ARIH1: variants seen among roughly 807,000 people sequenced by gnomAD.
The protein encoded by ARIH1 is ariadne RBR E3 ubiquitin protein ligase 1.
A neutral mutation model predicts 85.0 loss-of-function variants in ARIH1; 8 were observed. The observed-to-expected ratio is 0.09, with a 90% CI of 0.06 to 0.17. ARIH1 has a LOEUF of 0.17. Among genes scored for constraint, ARIH1 ranks in the 10% least tolerant of loss-of-function variants. ARIH1 has a pLI of 1.00. For missense variants in ARIH1, 311 were observed against 718.1 expected (o/e 0.43, Z 6.48); for synonymous variants, 238 against 253.6 (o/e 0.94, Z 0.59).
At chr15:72,520,865 A>G (rs2063996587) in intron 2 of ARIH1, among the ~76,000 whole-genome samples, 1 of 151,828 alleles carries the variant, frequency 6.6e-6, no homozygotes, top group South Asian at 2.1e-4. Flanking sequence ...TCTTTTTGAA[A>G]CAGGGTCTCA....
At chr15:72,545,185 C>T (rs1432786297) in intron 3 of ARIH1, among the ~76,000 whole-genome samples, 1 of 152,100 alleles carries the variant, frequency 6.6e-6, no homozygotes, top group Non-Finnish European at 1.5e-5. Flanking sequence ...ACAACTTGTC[C>T]AAGTTGTCAT....
At chr15:72,550,044 G>A (rs910228034) in intron 3 of ARIH1, among the ~76,000 whole-genome samples, 1 of 152,142 alleles carries the variant, frequency 6.6e-6, no homozygotes, top group Admixed American at 6.6e-5. Context: ...TATGTTCCTC[G>A]AAAGCACAAT....
rs1192730988 is a variant in ARIH1 at position 72,593,479 on chromosome 15, G to T, written c.*10187G>T. ...GGTTTGGGATTTTATGTTTAGGTCT[G>T]TGATCCATCTCAAATTAATTTTTGT... On this transcript the variant is annotated 3_prime_UTR_variant, in exon 14 of 14. Transcript: ENST00000379887. 1.3e-5 allele frequency: 2 copies of T among 152,176 alleles called. No homozygotes were observed. The highest frequency in any genetic ancestry group is 1.3e-4 in the Admixed American group (2 of 15,284). 9.4% of individuals were successfully genotyped at this position (152,176 alleles called of 1,614,324 possible). A position where few individuals can be genotyped will look rare whatever the true frequency, so the allele number is the denominator to read the frequency against.
Position 72,592,240 on chromosome 15 carries a change from C to G in ARIH1, c.*8948C>G, listed in dbSNP as rs1478017491. 1 of 152,200 alleles carries G rather than the reference C, an allele frequency of 6.6e-6. No homozygotes were observed. Among genetic ancestry groups the G allele is most frequent in the Non-Finnish European group, 1.5e-5 (1 of 68,032 alleles). The allele number at this position is 152,200 out of a possible 1,614,324, so 9.4% of individuals were successfully genotyped here. A position where few individuals can be genotyped will look rare whatever the true frequency, so the allele number is the denominator to read the frequency against. On this transcript the variant is annotated 3_prime_UTR_variant, in exon 14 of 14. Coordinates refer to ENST00000379887, the MANE Select transcript of ARIH1 (RefSeq NM_005744.5). ...TTTCCACAAAATTGCTTTACAGATT[C>G]TAAATGCTATCTCTGGGACACTGGA...
chr15:72,495,172 A>G (rs1460808612), intron 1 of ARIH1, among the ~76,000 whole-genome samples: 1 of 152,232 alleles, frequency 6.6e-6, no homozygotes, highest in African/African-American at 2.4e-5. Context: ...TGAATTGGCA[A>G]ATCTATAGAG....
At chr15:72,542,669 G>C (rs944486046) in intron 2 of ARIH1, among the ~76,000 whole-genome samples, 1 of 152,130 alleles carries the variant, frequency 6.6e-6, no homozygotes, top group Non-Finnish European at 1.5e-5. Context: ...TATAAATCTG[G>C]ACTAGGGTGT....
chr15:72,561,376 CAT>C, intron 5 of ARIH1, 105 bp from the exon 6 acceptor site: 1 of 736,868 alleles, frequency 1.4e-6, no homozygotes, highest in East Asian at 2.7e-5. Context: ...CAGCTTAGGG[CAT>C]AAACATGTAG....
At chr15:72,477,333 A>T (rs911931039) in intron 1 of ARIH1, among the ~76,000 whole-genome samples, 2 of 152,192 alleles carry the variant, frequency 1.3e-5, no homozygotes, top group African/African-American at 4.8e-5. Flanking sequence ...TGGAAATAGC[A>T]GTTATCTAGG....
intron 1 of ARIH1, among the ~76,000 whole-genome samples, chr15:72,513,051 C>T (rs561871005): frequency 3.9e-5 from 6 of 152,148 alleles, no homozygotes; most frequent in Admixed American, 2.0e-4. Flanking sequence ...TCAATCATTA[C>T]ATTGAAAACT....
At chr15:72,568,113 C>T (rs2064228796) in intron 9 of ARIH1, among the ~76,000 whole-genome samples, 1 of 152,090 alleles carries the variant, frequency 6.6e-6, no homozygotes, top group African/African-American at 2.4e-5. Flanking sequence ...AACAAATGCC[C>T]AAGTCTTTAA....
At chr15:72,561,452 C>T (rs1227441193) in intron 5 of ARIH1, 31 bp from the exon 6 acceptor site, 6 of 1,484,582 alleles carry the variant, frequency 4.0e-6, no homozygotes, top group Admixed American at 3.6e-5. Flanking sequence ...TGACTGGAAA[C>T]TTTCTAATCT....
At position 72,582,060 on chromosome 15, in the gene ARIH1, T is replaced by G. The variant is rs2064297290; in HGVS notation, c.1477-15T>G. ...TTTATTTTGAAGCCAAAATTTACTT[T>G]CATTCTTCTTACAGAATAACCAAGC... On this transcript the variant is annotated splice_polypyrimidine_tract_variant and intron_variant, in intron 12 of 13. Transcript: ENST00000379887. The surrounding 1 kb of genome is among the most constrained non-coding windows in gnomAD (Gnocchi z 4.6). The G allele has an allele frequency of 6.4e-7, 1 of 1,573,230 alleles. No homozygotes were observed. Among genetic ancestry groups the G allele is most frequent in the African/African-American group, 1.4e-5 (1 of 73,300 alleles).
chr15:72,498,245 T>G (rs1182063378), intron 1 of ARIH1, among the ~76,000 whole-genome samples: 2 of 20,620 alleles, frequency 9.7e-5, no homozygotes, highest in East Asian at 0.036. Flanking sequence ...ACCAAAATGT[T>G]TTTTTTTTAA....
intron 1 of ARIH1, among the ~76,000 whole-genome samples, chr15:72,485,988 T>G (rs1318447373): frequency 6.6e-6 from 1 of 152,192 alleles, no homozygotes; most frequent in Non-Finnish European, 1.5e-5. Flanking sequence ...CCTTGCATTA[T>G]TTTCAGTGTT....
intron 3 of ARIH1, among the ~76,000 whole-genome samples, chr15:72,552,656 T>A (rs181341146): frequency 3.3e-5 from 5 of 152,184 alleles, no homozygotes; most frequent in African/African-American, 1.2e-4. Flanking sequence ...TGTGGTACTG[T>A]TACAGTGTGT....
intron 8 of ARIH1, 52 bp downstream of exon 8, chr15:72,566,657 T>A: frequency 1.4e-6 from 2 of 1,476,640 alleles, no homozygotes; most frequent in Non-Finnish European, 1.9e-6. Context: ...TTCTAAGACT[T>A]AGTGACTAAA....
intron 1 of ARIH1, among the ~76,000 whole-genome samples, chr15:72,517,543 G>A (rs1387761181): frequency 6.6e-6 from 1 of 151,904 alleles, no homozygotes; most frequent in Non-Finnish European, 1.5e-5. Flanking sequence ...TCGTGCCTCA[G>A]CCTCCCAAGT....
rs1446422684 is a variant in ARIH1 at position 72,593,151 on chromosome 15, T to G, written c.*9859T>G. Reference sequence around the variant, plus strand: ...GATTTTAATTTACATTACATTTCCCTGATTAATGAGTTGAGCACTTTTTCA... The same window carrying G: ...GATTTTAATTTACATTACATTTCCCGGATTAATGAGTTGAGCACTTTTTCA... On this transcript the variant is annotated 3_prime_UTR_variant, in exon 14 of 14. Transcript: ENST00000379887. The G allele has an allele frequency of 6.6e-6, 1 of 152,246 alleles. No individual in the cohort carries two copies. The highest frequency in any genetic ancestry group is 2.4e-5 in the African/African-American group (1 of 41,474). The allele number at this position is 152,246 out of a possible 1,614,324, so 9.4% of individuals were successfully genotyped here. A position where few individuals can be genotyped will look rare whatever the true frequency, so the allele number is the denominator to read the frequency against.
In ARIH1 at chr15:72,597,159, A is replaced by G. The variant is rs1007512222; in HGVS notation, c.*13867A>G. 1.9e-5 allele frequency: 1 copy of G among 52,928 alleles called. No homozygotes were observed. Among genetic ancestry groups the G allele is most frequent in the African/African-American group, 6.7e-5 (1 of 14,820 alleles). The allele number at this position is 52,928 out of a possible 1,614,324, so 3.3% of individuals were successfully genotyped here. A position where few individuals can be genotyped will look rare whatever the true frequency, so the allele number is the denominator to read the frequency against. Reference sequence around the variant, plus strand: ...AAAATGTTTACTTCCAAAACAGAGCATGCCCTTTGTTTTTTTTTCAGGCCA... The same window carrying G: ...AAAATGTTTACTTCCAAAACAGAGCGTGCCCTTTGTTTTTTTTTCAGGCCA... On this transcript the variant is annotated 3_prime_UTR_variant, in exon 14 of 14. Coordinates refer to ENST00000379887, the MANE Select transcript of ARIH1 (RefSeq NM_005744.5).
Sources: gnomAD v4.1 joint callset for allele counts (sites outside exome capture counted in the v4.1 genomes callset) on GRCh38, gnomAD v4.1.1 for gene constraint, Gnocchi (gnomAD v3.1) non-coding constraint, MANE v1.5 for transcripts, NCBI Gene and HGNC (gene_info 2026-07-23, HGNC 2026-07-21) for gene names.